The following TMEM163 variants were observed in gnomAD, a reference collection of about 807,000 sequenced individuals.
The protein encoded by TMEM163 is transmembrane protein 163.
TMEM163 carries 17 observed loss-of-function variants against 29.3 expected under a neutral mutation model. The observed-to-expected ratio is 0.58, with a 90% CI of 0.40 to 0.87. TMEM163 has a LOEUF of 0.87. Among genes scored for constraint, TMEM163 ranks in the 40% least tolerant of loss-of-function variants. TMEM163 has a pLI of 0.00. For missense variants in TMEM163, 303 were observed against 381.5 expected (o/e 0.79, Z 1.71); for synonymous variants, 157 against 160.6 (o/e 0.98, Z 0.17).
At chr2:134,625,355 C>G (rs1231155830) in intron 2 of TMEM163, among the ~76,000 whole-genome samples, 2 of 151,946 alleles carry the variant, frequency 1.3e-5, no homozygotes, top group African/African-American at 4.9e-5. Flanking sequence ...TCCCCTAACC[C>G]CACCACCTAG....
rs145297359 is a variant in TMEM163, at chr2:134,496,351, C to T, written c.555+6550G>A. Among the ~76,000 whole-genome samples, 216 of 152,248 alleles carry T rather than the reference C, an allele frequency of 1.4e-3. 1 individual carries two copies. The highest frequency in any genetic ancestry group is 4.9e-3 in the African/African-American group (203 of 41,548). ...TGCTGGGATTACAGATATGAGCCAC[C>T]GCACCAGGCCGCAAACCTAACATAT... On this transcript the variant is annotated intron_variant, in intron 5 of 7. Transcript: ENST00000281924.
chr2:134,657,596 A>T (rs1683649105), intron 2 of TMEM163, among the ~76,000 whole-genome samples: 1 of 152,184 alleles, frequency 6.6e-6, no homozygotes, highest in South Asian at 2.1e-4. Context: ...TGAGGTCAGG[A>T]ATTCATGACC....
Position 134,718,786 on chromosome 2 carries a change from C to T in TMEM163, c.150G>A (p.Arg50=). The change falls in exon 1 of 8, where the codon CGG becomes CGA. Residue 50 remains arginine (R), a synonymous_variant. Coordinates refer to ENST00000281924, the MANE Select transcript of TMEM163 (RefSeq NM_030923.5). ...VREPPQLEEE[R]QVRISESGQF... The stretch of plus-strand genomic sequence containing the variant: ...GGCCGCTCTCGCTGATCCGCACCTG[C>T]CGCTCCTCCTCCAGCTGGGGCGGCT... The T allele has an allele frequency of 3.5e-6, 4 of 1,151,074 alleles. No individual in the cohort carries two copies. Among genetic ancestry groups the T allele is most frequent in the Non-Finnish European group, 4.3e-6 (4 of 936,320 alleles). 71.3% of individuals were successfully genotyped at this position (1,151,074 alleles called of 1,614,324 possible).
chr2:134,459,709 C>A (rs543793628), intron 6 of TMEM163, among the ~76,000 whole-genome samples: 60 of 152,020 alleles, frequency 3.9e-4, no homozygotes, highest in African/African-American at 1.4e-3. Context: ...GGTGACAGGC[C>A]CCCTTTTGGT....
chr2:134,628,882 C>T (rs1682908726), intron 2 of TMEM163, among the ~76,000 whole-genome samples: 1 of 152,186 alleles, frequency 6.6e-6, no homozygotes, highest in South Asian at 2.1e-4. Context: ...CCCCAACACA[C>T]CATCAATGAG....
At chr2:134,511,852 A>T (rs1679956460) in intron 4 of TMEM163, among the ~76,000 whole-genome samples, 1 of 152,176 alleles carries the variant, frequency 6.6e-6, no homozygotes, top group South Asian at 2.1e-4. Context: ...ACCAATTCCA[A>T]TTTTTTCTTA....
chr2:134,631,380 G>T (rs762077660), intron 2 of TMEM163, among the ~76,000 whole-genome samples: 1 of 151,944 alleles, frequency 6.6e-6, no homozygotes, highest in Non-Finnish European at 1.5e-5. Flanking sequence ...TGACATTTTT[G>T]AACATTCTTT....
At chr2:134,702,056 G>A (rs1336456663) in intron 2 of TMEM163, among the ~76,000 whole-genome samples, 3 of 152,162 alleles carry the variant, frequency 2.0e-5, no homozygotes, top group African/African-American at 7.2e-5. Context: ...AGGGAAGCCT[G>A]GGTAGCCCAA....
intron 1 of TMEM163, among the ~76,000 whole-genome samples, chr2:134,715,956 T>A (rs1685029261): frequency 6.6e-6 from 1 of 152,206 alleles, no homozygotes. Context: ...TGATCCTTTA[T>A]TTATTTTGGA....
intron 2 of TMEM163, among the ~76,000 whole-genome samples, chr2:134,711,459 ATAT>A (rs1343119797): frequency 2.6e-5 from 4 of 152,248 alleles, no homozygotes; most frequent in African/African-American, 9.6e-5. Context: ...ACAAATCATG[ATAT>A]TATATGCCAA....
intron 2 of TMEM163, among the ~76,000 whole-genome samples, chr2:134,664,559 A>G (rs1441927789): frequency 6.6e-6 from 1 of 152,214 alleles, no homozygotes; most frequent in Non-Finnish European, 1.5e-5. Flanking sequence ...TAAGGAGATT[A>G]TCCTGGATTA....
intron 2 of TMEM163, among the ~76,000 whole-genome samples, chr2:134,705,389 A>G (rs1028345558): frequency 6.6e-6 from 1 of 152,138 alleles, no homozygotes; most frequent in East Asian, 1.9e-4. Context: ...AGACACACAC[A>G]GAGGGACAAC....
At chr2:134,632,378 C>T (rs552197984) in intron 2 of TMEM163, among the ~76,000 whole-genome samples, 1 of 152,282 alleles carries the variant, frequency 6.6e-6, no homozygotes, top group African/African-American at 2.4e-5. Context: ...ATTATTTCAA[C>T]CATAACTACA....
chr2:134,666,708 T>C (rs1225116782), intron 2 of TMEM163, among the ~76,000 whole-genome samples: 3 of 152,172 alleles, frequency 2.0e-5, no homozygotes, highest in Non-Finnish European at 4.4e-5. Flanking sequence ...CACCAATTCC[T>C]CATTTTAAGA....
intron 2 of TMEM163, among the ~76,000 whole-genome samples, chr2:134,665,954 A>G (rs1274667057): frequency 6.6e-6 from 1 of 152,236 alleles, no homozygotes; most frequent in African/African-American, 2.4e-5. Context: ...CTGAATGCAT[A>G]TGCCCCACTC....
At chr2:134,700,249 C>T (rs1684667908) in intron 2 of TMEM163, among the ~76,000 whole-genome samples, 1 of 152,162 alleles carries the variant, frequency 6.6e-6, no homozygotes, top group Non-Finnish European at 1.5e-5. Flanking sequence ...GTATGTACCC[C>T]ATCCCTCCCA....
intron 2 of TMEM163, among the ~76,000 whole-genome samples, chr2:134,587,521 G>T (rs927655480): frequency 1.3e-5 from 2 of 152,216 alleles, no homozygotes; most frequent in African/African-American, 4.8e-5. Flanking sequence ...GCCAGCCTTT[G>T]TGCCTGTCTT....
At chr2:134,491,132 C>T (rs192859119) in intron 5 of TMEM163, among the ~76,000 whole-genome samples, 140 of 92,300 alleles carry the variant, frequency 1.5e-3, no homozygotes, top group Non-Finnish European at 1.9e-3. Flanking sequence ...AAAAGATTCA[C>T]TCAGTGTCCC....
chr2:134,547,490 T>C (rs1467348728), intron 4 of TMEM163, among the ~76,000 whole-genome samples: 1 of 152,202 alleles, frequency 6.6e-6, no homozygotes, highest in African/African-American at 2.4e-5. Context: ...TCCAATTTCC[T>C]CTAATATTAC....
Sources: allele counts gnomAD v4.1 joint callset (sites outside exome capture counted in the v4.1 genomes callset), GRCh38; gene constraint gnomAD v4.1.1; transcripts MANE v1.5; gene names NCBI Gene and HGNC (gene_info 2026-07-23, HGNC 2026-07-21).